Variants in CNOT8 observed in about 807,000 individuals in gnomAD.
CNOT8 encodes CCR4-NOT transcription complex subunit 8.
In CNOT8, 18 loss-of-function variants were observed where a neutral mutation model predicts 34.6. That is an observed-to-expected ratio of 0.52 (90% CI 0.36 to 0.77). The LOEUF is 0.77. CNOT8 is among the 30% of genes least tolerant of loss of function. The pLI is 0.00. For missense variants in CNOT8, 189 were observed against 347.9 expected, an observed-to-expected ratio of 0.54 and a Z score of 3.63; for synonymous variants, 101 against 118.8, an observed-to-expected ratio of 0.85 and a Z score of 0.98.
rs767156186 is a variant in CNOT8, at chr5:154,865,172, G to A, written c.118-20G>A. On this transcript the variant is annotated intron_variant, in intron 2 of 6. Coordinates refer to ENST00000285896, the MANE Select transcript of CNOT8 (RefSeq NM_001301073.2). Reference sequence around the variant, plus strand: ...ACTGTTTTGTGAAACCTTGTGATGAGAGACTTTTTCCTTTTCCAGGACACA... The same window carrying A: ...ACTGTTTTGTGAAACCTTGTGATGAAAGACTTTTTCCTTTTCCAGGACACA... 5.0e-5 allele frequency: 76 copies of A among 1,529,754 alleles called. No individual in the cohort carries two copies. The highest frequency in any genetic ancestry group is 6.6e-5 in the Non-Finnish European group (75 of 1,140,864). 94.8% of individuals were successfully genotyped at this position (1,529,754 alleles called of 1,614,324 possible).
rs538757930 is a variant in CNOT8 at position 154,868,144 on chromosome 5, G to A, written c.312-2517G>A. Among the ~76,000 whole-genome samples, 16 of 151,976 alleles carry A rather than the reference G, an allele frequency of 1.1e-4. 1 individual carries two copies. In the East Asian group the frequency reaches 1.5e-3, roughly 15 times the overall value. ...AGTAGAGACGGGGTTTCACCATGTTGGCCAGGCTGGTCTCGAACTCCTGAC... is the reference window on the plus strand; with the variant it reads ...AGTAGAGACGGGGTTTCACCATGTTAGCCAGGCTGGTCTCGAACTCCTGAC... On this transcript the variant is annotated intron_variant, in intron 3 of 6. Coordinates refer to ENST00000285896, the MANE Select transcript of CNOT8 (RefSeq NM_001301073.2).
chr5:154,875,410 C>T lies in CNOT8; in HGVS notation c.850C>T (p.Leu284=). 1 of 1,613,966 alleles carries T rather than the reference C, an allele frequency of 6.2e-7. No individual in the cohort carries two copies. Residue 284 remains leucine (L), a synonymous_variant, in exon 7 of 7, where the codon CTG becomes TTG. Coordinates refer to ENST00000285896, the MANE Select transcript of CNOT8 (RefSeq NM_001301073.2). ...CTCTGCCCAGGAGAAGATGAGCATC[C>T]TGGCGATTATCAACAACATGCAGCA... ...VDSAQEKMSI[L]AIINNMQQ
intron 6 of CNOT8, among the ~76,000 whole-genome samples, chr5:154,873,610 C>T (rs2688199): frequency 0.17 from 25,222 of 152,066 alleles, 2,804 homozygotes; most frequent in African/African-American, 0.32. Context: ...AGGAGTAAGA[C>T]GCTGCTTTGA....
chr5:154,874,507 C>T (rs184396790), intron 6 of CNOT8, among the ~76,000 whole-genome samples: 33 of 151,756 alleles, frequency 2.2e-4, no homozygotes, highest in African/African-American at 7.3e-4. Context: ...GCCTGGGAGG[C>T]GGAGGTTGCA....
intron 5 of CNOT8, 38 bp downstream of exon 5, chr5:154,871,912 A>G: frequency 6.3e-7 from 1 of 1,578,982 alleles, no homozygotes; most frequent in South Asian, 1.1e-5. Flanking sequence ...AACAAAAAGA[A>G]GGACAGAAAA....
Position 154,863,188 on chromosome 5 carries a change from A to T in CNOT8, c.-72-19A>T, listed in dbSNP as rs961222785. 5 of 833,820 alleles carry T rather than the reference A, an allele frequency of 6.0e-6. No individual in the cohort carries two copies. The highest frequency in any genetic ancestry group is 6.2e-6 in the Non-Finnish European group (3 of 486,524). The allele number at this position is 833,820 out of a possible 1,614,324, so 51.7% of individuals were successfully genotyped here. The stretch of plus-strand genomic sequence containing the variant: ...TGTGTGTGTAAACTTACATGATTTT[A>T]AAATGTTTTACAATCTAGATCAGAC... On this transcript the variant is annotated intron_variant, in intron 1 of 6. Transcript: ENST00000285896.
intron 6 of CNOT8, among the ~76,000 whole-genome samples, chr5:154,874,660 A>G (rs1019869023): frequency 2.0e-5 from 3 of 151,696 alleles, no homozygotes; most frequent in Non-Finnish European, 4.4e-5. Context: ...CAGCCTCCCA[A>G]GTAGCTGGGA....
At chr5:154,870,364 G>A (rs1018438317) in intron 3 of CNOT8, 4 of 204,146 alleles carry the variant, frequency 2.0e-5, no homozygotes, top group East Asian at 1.5e-4. Context: ...GATTACAGGC[G>A]TGCACCACTG....
At chr5:154,862,832 T>G (rs1445905602) in intron 1 of CNOT8, among the ~76,000 whole-genome samples, 1 of 152,192 alleles carries the variant, frequency 6.6e-6, no homozygotes, top group Non-Finnish European at 1.5e-5. Context: ...TGTAGGACTG[T>G]TTCCATGATT....
intron 1 of CNOT8, chr5:154,859,398 A>G (rs1410519940): frequency 2.0e-5 from 3 of 152,060 alleles, no homozygotes; most frequent in African/African-American, 7.3e-5. Context: ...TGGCTTTATG[A>G]ATGGAGGAGC....
intron 1 of CNOT8, among the ~76,000 whole-genome samples, chr5:154,860,877 TTC>T (rs1239633318): frequency 6.6e-6 from 1 of 152,176 alleles, no homozygotes; most frequent in Non-Finnish European, 1.5e-5. Context: ...TAAAAACCAA[TTC>T]TCTTTTAAAT....
chr5:154,870,896 T>G lies in CNOT8; in HGVS notation c.473+74T>G, dbSNP rs1324046751. ...AGCAGGGAATTGAATTCTTAGTCAT[T>G]TTTGCAGTCCTAGTGACTGTTCTGT... is the stretch of plus-strand genomic sequence containing the variant. On this transcript the variant is annotated intron_variant, in intron 4 of 6. Coordinates refer to ENST00000285896, the MANE Select transcript of CNOT8 (RefSeq NM_001301073.2). The G allele has an allele frequency of 1.2e-5, 16 of 1,349,404 alleles. No homozygotes were observed. The East Asian group carries it at 3.6e-4, about 30-fold the overall frequency. The allele number at this position is 1,349,404 out of a possible 1,614,324, so 83.6% of individuals were successfully genotyped here.
chr5:154,871,171 T>C (rs1365378709), intron 4 of CNOT8, among the ~76,000 whole-genome samples: 2 of 152,226 alleles, frequency 1.3e-5, no homozygotes, highest in African/African-American at 4.8e-5. Context: ...AACTTCTCAG[T>C]ACTTTTGGAT....
At chr5:154,869,770 G>A (rs961402232) in intron 3 of CNOT8, among the ~76,000 whole-genome samples, 21 of 151,852 alleles carry the variant, frequency 1.4e-4, no homozygotes, top group East Asian at 2.0e-4. Flanking sequence ...GATTACAGGC[G>A]TGCGCCACCA....
chr5:154,876,505 C>T lies in CNOT8; in HGVS notation c.*1066C>T, dbSNP rs140288652. ...AATATCCCACAACTGGGGTAGGAAG[C>T]TCAGGACTTTTTTCTTTAAAGCTAG... On this transcript the variant is annotated 3_prime_UTR_variant, in exon 7 of 7. Transcript: ENST00000285896. 7 of 152,410 alleles carry T rather than the reference C, an allele frequency of 4.6e-5. No individual in the cohort carries two copies. The highest frequency in any genetic ancestry group is 6.8e-3 in the Middle Eastern group (2 of 294). The allele number at this position is 152,410 out of a possible 1,614,324, so 9.4% of individuals were successfully genotyped here. A position where few individuals can be genotyped will look rare whatever the true frequency, so the allele number is the denominator to read the frequency against.
chr5:154,872,752 ATTTATTT>A, intron 6 of CNOT8, 101 bp downstream of exon 6: 1 of 455,558 alleles, frequency 2.2e-6, no homozygotes, highest in Non-Finnish European at 3.8e-6. Context: ...TTTGTTGAAC[ATTTATTT>A]TTTATTTATT....
intron 3 of CNOT8, among the ~76,000 whole-genome samples, chr5:154,870,002 C>T (rs1469028266): frequency 6.6e-6 from 1 of 152,144 alleles, no homozygotes; most frequent in Non-Finnish European, 1.5e-5. Flanking sequence ...AAGTGATCTG[C>T]CTGTCTCAGC....
In CNOT8 at chr5:154,858,710, C is replaced by T. The variant is rs964890125; in HGVS notation, c.-131C>T. ...CGTCGCCGCCGTCGGGGAGTCAGCC[C>T]GCCAGCCCGCCAGCTCGTCAGCCCG... is the stretch of plus-strand genomic sequence containing the variant. On this transcript the variant is annotated 5_prime_UTR_variant, in exon 1 of 7. Coordinates refer to ENST00000285896, the MANE Select transcript of CNOT8 (RefSeq NM_001301073.2). 10 of 152,128 alleles carry T rather than the reference C, an allele frequency of 6.6e-5. No homozygotes were observed. Among genetic ancestry groups the T allele is most frequent in the African/African-American group, 2.2e-4 (9 of 41,360 alleles). 9.4% of individuals were successfully genotyped at this position (152,128 alleles called of 1,614,324 possible).
chr5:154,861,171 A>G (rs1489903475), intron 1 of CNOT8, among the ~76,000 whole-genome samples: 2 of 152,194 alleles, frequency 1.3e-5, no homozygotes, highest in Non-Finnish European at 2.9e-5. Flanking sequence ...GAGTCGAAAC[A>G]TTTTCTGAAT....
Sources: gnomAD v4.1 joint callset for allele counts (sites outside exome capture counted in the v4.1 genomes callset) on GRCh38, gnomAD v4.1.1 for gene constraint, MANE v1.5 for transcripts, NCBI Gene and HGNC (gene_info 2026-07-23, HGNC 2026-07-21) for gene names.